The following PHACTR1 variants were observed in gnomAD, a reference collection of about 807,000 sequenced individuals.
The protein encoded by PHACTR1 is phosphatase and actin regulator 1, also known as RPEL repeat containing 1.
In PHACTR1, 16 loss-of-function variants were observed where a neutral mutation model predicts 69.2. The observed-to-expected ratio is 0.23, with a 90% CI of 0.16 to 0.35. The LOEUF is 0.35. Ranked by LOEUF, PHACTR1 falls within the 10% of genes least tolerant of loss-of-function variation. The probability of loss-of-function intolerance (pLI) is 1.00; values close to 1 mark genes in which losing one functional copy is unlikely to be tolerated. For missense variants in PHACTR1, 510 were observed against 734.7 expected, an observed-to-expected ratio of 0.69 and a Z score of 3.54; for synonymous variants, 312 against 284.5, an observed-to-expected ratio of 1.10 and a Z score of -0.97.
At chr6:12,815,309 C>T (rs2127701755) in intron 4 of PHACTR1, among the ~76,000 whole-genome samples, 1 of 152,290 alleles carries the variant, frequency 6.6e-6, no homozygotes, top group African/African-American at 2.4e-5. Context: ...GAAACTGCCC[C>T]TCCCCAGTAT....
Position 12,985,538 on chromosome 6 carries a change from A to AT in PHACTR1, c.251-67827_251-67826insT, listed in dbSNP as rs1420975130. Among the ~76,000 whole-genome samples the AT allele has an allele frequency of 3.1e-3, 424 of 134,850 alleles. 1 individual carries two copies. Among genetic ancestry groups the AT allele is most frequent in the South Asian group, 0.011 (47 of 4,428 alleles). The allele number at this position is 134,850 out of a possible 152,430, so 88.5% of individuals were successfully genotyped here. A position where few individuals can be genotyped will look rare whatever the true frequency, so the allele number is the denominator to read the frequency against. ...TAAAGTACTACAAATTAAAAAAAAA[A>AT]AAAATATATATATATATATATATAC... On this transcript the variant is annotated intron_variant, in intron 4 of 14. Transcript: ENST00000332995.
intron 4 of PHACTR1, among the ~76,000 whole-genome samples, chr6:13,018,634 ACTT>A (rs533635967): frequency 9.9e-5 from 15 of 152,214 alleles, no homozygotes; most frequent in Non-Finnish European, 1.6e-4. Flanking sequence ...GAGAGCACCC[ACTT>A]CTTCTCTATA....
intron 4 of PHACTR1, among the ~76,000 whole-genome samples, chr6:12,797,035 GTGTGT>G (rs1281717581): frequency 7.6e-6 from 1 of 132,330 alleles, no homozygotes; most frequent in Non-Finnish European, 1.6e-5. Flanking sequence ...GTGTGTGTGT[GTGTGT>G]GAGAGAGAGA....
intron 4 of PHACTR1, among the ~76,000 whole-genome samples, chr6:13,007,660 T>C (rs1268290557): frequency 0.015 from 8 of 550 alleles, no homozygotes; most frequent in Non-Finnish European, 0.047. Flanking sequence ...TGGAGATCCT[T>C]TTTTTTTTTT....
chr6:12,835,403 C>T (rs1328667082), intron 4 of PHACTR1, among the ~76,000 whole-genome samples: 2 of 152,004 alleles, frequency 1.3e-5, no homozygotes, highest in African/African-American at 4.8e-5. Context: ...TGTTGCAGTA[C>T]GACAGGCCTG....
intron 4 of PHACTR1, among the ~76,000 whole-genome samples, chr6:13,018,260 G>A (rs2127661918): frequency 6.6e-6 from 1 of 152,218 alleles, no homozygotes; most frequent in African/African-American, 2.4e-5. Context: ...AGTCTACCGA[G>A]GTCGAACCAC....
intron 4 of PHACTR1, among the ~76,000 whole-genome samples, chr6:12,860,173 C>T (rs1000544675): frequency 6.6e-6 from 1 of 152,094 alleles, no homozygotes; most frequent in Non-Finnish European, 1.5e-5. Flanking sequence ...CCCTGACAGG[C>T]CCCAGTGTGT....
At chr6:12,978,718 T>C (rs1408697302) in intron 4 of PHACTR1, among the ~76,000 whole-genome samples, 1 of 152,248 alleles carries the variant, frequency 6.6e-6, no homozygotes, top group East Asian at 1.9e-4. Context: ...TCATAGTTGA[T>C]GACACGTGTT....
intron 10 of PHACTR1, among the ~76,000 whole-genome samples, chr6:13,258,600 C>T (rs546635901): frequency 1.3e-5 from 2 of 152,164 alleles, no homozygotes; most frequent in Non-Finnish European, 2.9e-5. Context: ...CCACTAGTCT[C>T]GTGAAGGGTG....
chr6:13,069,127 T>C (rs9463423), intron 5 of PHACTR1, among the ~76,000 whole-genome samples: 49,714 of 151,952 alleles, frequency 0.33, 10,347 homozygotes, highest in African/African-American at 0.59. Flanking sequence ...CAGAAGGGAT[T>C]GCTGGACCCC....
chr6:13,004,498 T>C (rs1375250423), intron 4 of PHACTR1, among the ~76,000 whole-genome samples: 7 of 152,228 alleles, frequency 4.6e-5, no homozygotes, highest in Non-Finnish European at 7.3e-5. Context: ...GTTATTGTTA[T>C]TTGAGTTCTT....
intron 4 of PHACTR1, among the ~76,000 whole-genome samples, chr6:13,049,712 T>G (rs1805627606): frequency 6.6e-6 from 1 of 152,200 alleles, no homozygotes; most frequent in South Asian, 2.1e-4. Context: ...TTACTCAGGT[T>G]GAGAGTAATA....
intron 4 of PHACTR1, among the ~76,000 whole-genome samples, chr6:12,881,736 G>A (rs140213384): frequency 2.0e-5 from 3 of 152,172 alleles, no homozygotes; most frequent in African/African-American, 4.8e-5. Context: ...AGTAGGACTC[G>A]CGATGTCCTA....
chr6:13,055,612 A>G (rs907281115), intron 5 of PHACTR1, among the ~76,000 whole-genome samples: 42 of 152,308 alleles, frequency 2.8e-4, no homozygotes, highest in African/African-American at 9.9e-4. Context: ...GGTAATTGTC[A>G]TTTGTCACCA....
At chr6:12,828,190 A>G (rs977014335) in intron 4 of PHACTR1, among the ~76,000 whole-genome samples, 1 of 152,196 alleles carries the variant, frequency 6.6e-6, no homozygotes, top group Non-Finnish European at 1.5e-5. Context: ...GGATTTATTT[A>G]TAGATCATAA....
chr6:12,729,510 T>C lies in PHACTR1; in HGVS notation c.103+10663T>C, dbSNP rs187524874. Reference sequence around the variant, plus strand: ...GATCCATCTGGAGAACTGCACGTGTTAGACTCTGCCTAGGCTGACAGGTTA... The same window carrying C: ...GATCCATCTGGAGAACTGCACGTGTCAGACTCTGCCTAGGCTGACAGGTTA... On this transcript the variant is annotated intron_variant, in intron 3 of 14. Coordinates refer to ENST00000332995, the MANE Select transcript of PHACTR1 (RefSeq NM_030948.6). Among the ~76,000 whole-genome samples the C allele has an allele frequency of 4.9e-4, 74 of 152,238 alleles. 1 individual carries two copies. The highest frequency in any genetic ancestry group is 1.5e-3 in the African/African-American group (63 of 41,568).
At chr6:13,257,957 A>G (rs565992073) in intron 10 of PHACTR1, among the ~76,000 whole-genome samples, 1 of 152,172 alleles carries the variant, frequency 6.6e-6, no homozygotes, top group Non-Finnish European at 1.5e-5. Flanking sequence ...GAGAGCACCC[A>G]GGTGATGCTG....
intron 10 of PHACTR1, among the ~76,000 whole-genome samples, chr6:13,240,807 G>A (rs544130854): frequency 1.6e-4 from 24 of 152,142 alleles, no homozygotes; most frequent in African/African-American, 3.4e-4. Context: ...CTCTCAGGGC[G>A]AAGGTCCCTG....
In PHACTR1 at chr6:13,275,631, G is replaced by A. The variant is rs1343250018; in HGVS notation, c.1448-2637G>A. On this transcript the variant is annotated intron_variant, in intron 11 of 14. Transcript: ENST00000332995. The surrounding 1 kb of genome is among the most constrained non-coding windows in gnomAD (Gnocchi z 4.0). Reference sequence around the variant, plus strand: ...CATGACCACAGGAAAAAACCTATCTGTGTAACCACTGAGCCAGGTAGGGTG... The same window carrying A: ...CATGACCACAGGAAAAAACCTATCTATGTAACCACTGAGCCAGGTAGGGTG... 6.6e-6 allele frequency: 1 copy of A among 151,908 alleles called. No individual in the cohort carries two copies. Among genetic ancestry groups the A allele is most frequent in the Non-Finnish European group, 1.5e-5 (1 of 68,092 alleles). The allele number at this position is 151,908 out of a possible 1,614,324, so 9.4% of individuals were successfully genotyped here.
Sources: gnomAD v4.1 joint callset for allele counts (sites outside exome capture counted in the v4.1 genomes callset) on GRCh38, gnomAD v4.1.1 for gene constraint, Gnocchi (gnomAD v3.1) non-coding constraint, MANE v1.5 for transcripts, NCBI Gene and HGNC (gene_info 2026-07-23, HGNC 2026-07-21) for gene names.